The following TENM2 variants were observed in gnomAD, a reference collection of about 807,000 sequenced individuals.
TENM2 encodes the protein teneurin transmembrane protein 2.
In TENM2, 52 loss-of-function variants were observed where a neutral mutation model predicts 245.2. That is an observed-to-expected ratio of 0.21 (90% CI 0.17 to 0.27). The LOEUF (loss-of-function observed/expected upper bound fraction) is 0.27. Ranked by LOEUF, TENM2 falls within the 10% of genes least tolerant of loss-of-function variation. The pLI is 1.00. For synonymous variants in TENM2, 1,363 were observed against 1,438.9 expected (o/e 0.95, Z 1.19); for missense variants, 3,046 against 3,666.8 (o/e 0.83, Z 4.37).
Position 167,545,867 on chromosome 5 carries a change from A to C in TENM2, c.502+170394A>C, listed in dbSNP as rs539953546. Among the ~76,000 whole-genome samples the C allele has an allele frequency of 2.3e-4, 35 of 152,376 alleles. 1 individual carries two copies. The highest frequency in any genetic ancestry group is 8.2e-4 in the African/African-American group (34 of 41,584). On this transcript the variant is annotated intron_variant, in intron 2 of 28. Transcript: ENST00000518659. ...ATTTGACCATACGTACAGACTTGAC[A>C]GGCCATACATACAAATGATAGCAAT...
At chr5:167,771,642 G>A in intron 2 of TENM2, among the ~76,000 whole-genome samples, 1 of 152,142 alleles carries the variant, frequency 6.6e-6, no homozygotes, top group East Asian at 1.9e-4. Context: ...ACAGTCTCAT[G>A]ACCAATCCTC....
the TENM2 span, among the ~76,000 whole-genome samples, chr5:167,044,237 A>G: frequency 6.6e-6 from 1 of 152,180 alleles, no homozygotes; most frequent in Non-Finnish European, 1.5e-5. Context: ...AATCTGGCAG[A>G]TTGAGGAGCT....
chr5:167,136,173 C>G, the TENM2 span, among the ~76,000 whole-genome samples: 1 of 152,146 alleles, frequency 6.6e-6, no homozygotes, highest in African/African-American at 2.4e-5. Context: ...TAAATATTTT[C>G]CATGTCTGCA....
intron 3 of TENM2, among the ~76,000 whole-genome samples, chr5:167,890,064 A>G (rs1774622991): frequency 6.6e-6 from 1 of 152,180 alleles, no homozygotes; most frequent in East Asian, 1.9e-4. Flanking sequence ...AATCCGTCTG[A>G]GTCCTAATTC....
the TENM2 span, among the ~76,000 whole-genome samples, chr5:167,247,219 G>A: frequency 1.3e-5 from 2 of 152,174 alleles, no homozygotes; most frequent in Middle Eastern, 6.8e-3. Flanking sequence ...AGAGCTTAAG[G>A]AACTGCTCAA....
the TENM2 span, among the ~76,000 whole-genome samples, chr5:167,209,166 C>T: frequency 1.3e-5 from 2 of 152,178 alleles, no homozygotes; most frequent in Non-Finnish European, 2.9e-5. Context: ...ACACTACCTA[C>T]TTCATATCGC....
At chr5:167,129,451 A>T in the TENM2 span, among the ~76,000 whole-genome samples, 1 of 152,278 alleles carries the variant, frequency 6.6e-6, no homozygotes, top group South Asian at 2.1e-4. Context: ...ACAGCCTGAG[A>T]GCAAAATGGA....
chr5:167,106,693 C>T, the TENM2 span, among the ~76,000 whole-genome samples: 1 of 150,648 alleles, frequency 6.6e-6, no homozygotes, highest in Non-Finnish European at 1.5e-5. Context: ...CACTTTGGTG[C>T]ACAAGTGCTA....
the TENM2 span, among the ~76,000 whole-genome samples, chr5:167,100,861 T>G: frequency 6.6e-6 from 1 of 152,100 alleles, no homozygotes; most frequent in Non-Finnish European, 1.5e-5. Context: ...TCAGAGCAAA[T>G]AGAACACGAT....
chr5:167,143,989 T>C, the TENM2 span, among the ~76,000 whole-genome samples: 1 of 152,166 alleles, frequency 6.6e-6, no homozygotes, highest in South Asian at 2.1e-4. Context: ...TTTGGACCAA[T>C]GGCATGACCG....
intron 6 of TENM2, among the ~76,000 whole-genome samples, chr5:168,060,959 T>A (rs1380794790): frequency 6.6e-6 from 1 of 152,156 alleles, no homozygotes; most frequent in Admixed American, 6.6e-5. Flanking sequence ...TTAGAAGAGT[T>A]AGTCCTTCAC....
chr5:167,891,733 A>T (rs1467460605), intron 3 of TENM2, among the ~76,000 whole-genome samples: 1 of 152,176 alleles, frequency 6.6e-6, no homozygotes, highest in Non-Finnish European at 1.5e-5. Flanking sequence ...AACACCTATC[A>T]TGTGTCCACC....
At chr5:167,084,327 T>TATATATATATATATATATA in the TENM2 span, among the ~76,000 whole-genome samples, 2 of 23,170 alleles carry the variant, frequency 8.6e-5, no homozygotes, top group African/African-American at 1.8e-4. Context: ...GCCATTTTAG[T>TATATATATATATATATATA]TATATATATA....
chr5:167,602,445 A>T (rs924568306), intron 2 of TENM2, among the ~76,000 whole-genome samples: 4 of 152,124 alleles, frequency 2.6e-5, no homozygotes, highest in African/African-American at 7.2e-5. Flanking sequence ...TTTTTTATTG[A>T]TGAGGACAGA....
chr5:167,535,668 T>A (rs1021864573), intron 2 of TENM2, among the ~76,000 whole-genome samples: 1 of 152,218 alleles, frequency 6.6e-6, no homozygotes. Context: ...AGACACAATG[T>A]TCATCTCCTC....
intron 2 of TENM2, among the ~76,000 whole-genome samples, chr5:167,770,627 T>C (rs1469595326): frequency 1.3e-5 from 2 of 152,224 alleles, no homozygotes; most frequent in Admixed American, 1.3e-4. Flanking sequence ...GTCTGTAAGA[T>C]GCATGCCTAA....
rs540604925 is a variant in TENM2 at position 167,613,577 on chromosome 5, C to G, written c.502+238104C>G. Among the ~76,000 whole-genome samples the G allele has an allele frequency of 5.3e-5, 8 of 152,186 alleles. No individual in the cohort carries two copies. In the South Asian group the frequency reaches 1.4e-3, roughly 28 times the overall value. Reference sequence around the variant, plus strand: ...AAAGGTCCCCTGATATCAACCATTACTAGATGCAATGACACTAGGAACCAG... The same window carrying G: ...AAAGGTCCCCTGATATCAACCATTAGTAGATGCAATGACACTAGGAACCAG... On this transcript the variant is annotated intron_variant, in intron 2 of 28. Coordinates refer to ENST00000518659, the Ensembl canonical transcript of TENM2.
intron 2 of TENM2, among the ~76,000 whole-genome samples, chr5:167,411,596 G>A (rs1015863349): frequency 9.3e-5 from 14 of 151,174 alleles, no homozygotes; most frequent in African/African-American, 3.2e-4. Context: ...GTGTGTGTGT[G>A]TGTGTGTGTG....
chr5:168,247,432 T>C lies in TENM2; in HGVS notation c.6493T>C (p.Tyr2165His). Reference sequence around the variant, plus strand: ...CCATGGGCGGATCAAGGAGGTCCAGTATGAGATGTTCCGGTCCCTCATGTA... The same window carrying C: ...CCATGGGCGGATCAAGGAGGTCCAGCATGAGATGTTCCGGTCCCTCATGTA... The change falls in exon 27 of 29, where the codon TAT (tyrosine) becomes CAT (histidine). Residue 2165 changes from tyrosine to histidine, a missense_variant. Tyr to His is a moderately conservative substitution (Grantham distance 83). Around this residue, in one of 2 missense-constraint regions of TENM2, gnomAD observed 2,704 missense variants for 3,331.9 expected, o/e 0.81. Coordinates refer to ENST00000518659, the Ensembl canonical transcript of TENM2. The surrounding 1 kb of genome is among the most constrained non-coding windows in gnomAD (Gnocchi z 7.8). The C allele has an allele frequency of 6.2e-7, 1 of 1,613,858 alleles. No individual in the cohort carries two copies. The highest frequency in any genetic ancestry group is 8.5e-7 in the Non-Finnish European group (1 of 1,179,824).
Sources: allele counts gnomAD v4.1 joint callset (sites outside exome capture counted in the v4.1 genomes callset), GRCh38; gene constraint gnomAD v4.1.1; regional missense constraint gnomAD v4.1.1; non-coding constraint Gnocchi (gnomAD v3.1); transcripts MANE v1.5; gene names NCBI Gene and HGNC (gene_info 2026-07-23, HGNC 2026-07-21).